Variants in PCDHGB2 observed in about 807,000 individuals in gnomAD.
PCDHGB2 encodes the protein protocadherin gamma-B2.
In PCDHGB2, 55 loss-of-function variants were observed where a neutral mutation model predicts 59.3. The observed-to-expected ratio is 0.93, with a 90% confidence interval of 0.75 to 1.16. PCDHGB2 has a LOEUF of 1.16. Ranked by LOEUF, PCDHGB2 falls within the 50% of genes most tolerant of loss-of-function variation. The pLI is 0.00. For missense variants in PCDHGB2, 1,228 were observed against 1,198.5 expected, an observed-to-expected ratio of 1.02 and a Z score of -0.36; for synonymous variants, 516 against 512.0, an observed-to-expected ratio of 1.01 and a Z score of -0.11.
chr5:141,490,232 A>G lies in PCDHGB2; in HGVS notation c.2422-4575A>G. 6.2e-7 allele frequency: 1 copy of G among 1,614,216 alleles called. No homozygotes were observed. Among genetic ancestry groups the G allele is most frequent in the Non-Finnish European group, 8.5e-7 (1 of 1,180,032 alleles). ...CGTGACCAGGGACAGCCTGCCATGG[A>G]GGGCCACTGTGTGATTCAAGTGGAT... On this transcript the variant is annotated intron_variant, in intron 1 of 3. Transcript: ENST00000522605. This position sits in a 1 kb window ranked among gnomAD's most constrained non-coding sequence, Gnocchi z 5.4.
chr5:141,374,158 G>A (rs1471227184), intron 1 of PCDHGB2: 6 of 1,612,290 alleles, frequency 3.7e-6, no homozygotes, highest in African/African-American at 1.3e-5. Context: ...CGCTGTGGGG[G>A]GCCGCGGCAG....
At chr5:141,507,132 C>T (rs748716107) in intron 3 of PCDHGB2, 2 of 152,188 alleles carry the variant, frequency 1.3e-5, no homozygotes, top group African/African-American at 2.4e-5. Flanking sequence ...GATCCAGCCT[C>T]GGCTTCTCTA....
Position 141,490,748 on chromosome 5 carries a change from C to A in PCDHGB2, c.2422-4059C>A. 3.1e-6 allele frequency: 5 copies of A among 1,614,168 alleles called. No individual in the cohort carries two copies. Among genetic ancestry groups the A allele is most frequent in the Non-Finnish European group, 3.4e-6 (4 of 1,180,006 alleles). ...GGAAATCAGGTTCAGGGAGCCCCAGCCTCCTCCTTTGTGTATGTCAACCCA... is the reference window on the plus strand; with the variant it reads ...GGAAATCAGGTTCAGGGAGCCCCAGACTCCTCCTTTGTGTATGTCAACCCA... On this transcript the variant is annotated intron_variant, in intron 1 of 3. Transcript: ENST00000522605. This position sits in a 1 kb window ranked among gnomAD's most constrained non-coding sequence, Gnocchi z 5.4.
chr5:141,411,568 AG>A (rs2095500132), intron 1 of PCDHGB2: 1 of 152,232 alleles, frequency 6.6e-6, no homozygotes, highest in South Asian at 2.1e-4. Context: ...TGGGCGACAG[AG>A]TGCGACCCTG....
At position 141,379,889 on chromosome 5, in the gene PCDHGB2, CTTTTTTTTTTTTTT is replaced by C. The variant is rs70988800; in HGVS notation, c.2421+17350_2421+17363del. Among the ~76,000 whole-genome samples, 12 of 50,834 alleles carry C rather than the reference CTTTTTTTTTTTTTT, an allele frequency of 2.4e-4. 1 individual carries two copies. In the South Asian group the frequency reaches 3.7e-3, roughly 16 times the overall value. The allele number at this position is 50,834 out of a possible 152,430, so 33.3% of individuals were successfully genotyped here. Reference sequence around the variant, plus strand: ...CTTATTTTATGGTCTGTGAAAGCCTCTTTTTTTTTTTTTTTTTTTTTTTTTTTTTTGTCAGAGTC... The same window carrying C: ...CTTATTTTATGGTCTGTGAAAGCCTCTTTTTTTTTTTTTTTTGTCAGAGTC... On this transcript the variant is annotated intron_variant, in intron 1 of 3. Coordinates refer to ENST00000522605, the MANE Select transcript of PCDHGB2 (RefSeq NM_018923.3).
At chr5:141,479,241 G>T (rs2099490987) in intron 1 of PCDHGB2, 1 of 152,174 alleles carries the variant, frequency 6.6e-6, no homozygotes, top group Admixed American at 6.5e-5. Context: ...CAAACCCAAA[G>T]ATAACCATTT....
chr5:141,399,590 T>G, intron 1 of PCDHGB2: 1 of 1,613,972 alleles, frequency 6.2e-7, no homozygotes, highest in East Asian at 2.2e-5. Context: ...TACTCTATCA[T>G]GGCCAGCGAC....
chr5:141,428,190 T>C (rs1348507135), intron 1 of PCDHGB2: 2 of 1,429,918 alleles, frequency 1.4e-6, no homozygotes, highest in Non-Finnish European at 1.9e-6. Flanking sequence ...CAGCCGCCGC[T>C]CTCTGCGCCG....
chr5:141,433,067 T>C, intron 1 of PCDHGB2: 3 of 1,614,144 alleles, frequency 1.9e-6, no homozygotes, highest in Non-Finnish European at 2.5e-6. Context: ...TCACCTGATC[T>C]TCCCCCAGCC....
At chr5:141,415,479 A>G (rs750765604) in intron 1 of PCDHGB2, 19 of 1,613,988 alleles carry the variant, frequency 1.2e-5, no homozygotes, top group South Asian at 2.2e-5. Flanking sequence ...CGGACTCGCG[A>G]AAGAGTCACC....
In PCDHGB2 at chr5:141,491,250, C is replaced by T. The variant is rs1328621598; in HGVS notation, c.2422-3557C>T. The T allele has an allele frequency of 6.2e-7, 1 of 1,614,148 alleles. No individual in the cohort carries two copies. Among genetic ancestry groups the T allele is most frequent in the South Asian group, 1.1e-5 (1 of 91,092 alleles). ...TGCTGCTGGTTCTGGAGGATGAGGA[C>T]CCTGAGGAAATGCCCAAATCCAGTG... On this transcript the variant is annotated intron_variant, in intron 1 of 3. Transcript: ENST00000522605. The surrounding 1 kb of genome is among the most constrained non-coding windows in gnomAD (Gnocchi z 6.9).
chr5:141,459,315 T>A (rs2154566534), intron 1 of PCDHGB2, among the ~76,000 whole-genome samples: 1 of 152,362 alleles, frequency 6.6e-6, no homozygotes, highest in Non-Finnish European at 1.5e-5. Flanking sequence ...CTATTTTGTA[T>A]CCATCTTCTT....
At position 141,499,027 on chromosome 5, in the gene PCDHGB2, A is replaced by AG. The variant is rs1323149397; in HGVS notation, c.2480+4163dup. 7.4e-3 allele frequency among the ~76,000 whole-genome samples: 1,116 copies of AG among 149,928 alleles called. 12 individuals are homozygous for AG. Among genetic ancestry groups the AG allele is most frequent in the African/African-American group, 0.026 (1,074 of 40,604 alleles). On this transcript the variant is annotated intron_variant, in intron 2 of 3. Transcript: ENST00000522605. ...AAGGAAGGAAGGAAGGAAGGAAGGA[A>AG]GAAAAGAAAGAAAAAGGGAGAAAAA...
intron 1 of PCDHGB2, chr5:141,404,403 A>C (rs767148207): frequency 6.2e-7 from 1 of 1,613,896 alleles, no homozygotes; most frequent in Admixed American, 1.7e-5. Context: ...AGCAATGAGA[A>C]TTCTAGAGTT....
intron 1 of PCDHGB2, chr5:141,404,321 T>C (rs764642673): frequency 1.2e-6 from 2 of 1,613,882 alleles, no homozygotes; most frequent in East Asian, 2.2e-5. Flanking sequence ...TCAAGCCTCC[T>C]ACTCAGTCTA....
In PCDHGB2 at chr5:141,360,786, C is replaced by CGG; in HGVS notation, c.652_653dup (p.Asp219GlufsTer34). On this transcript the variant is annotated frameshift_variant, in exon 1 of 4. Transcript: ENST00000522605. LOFTEE classifies it high-confidence loss of function. ...AATTGGTCCTCACAGCTGTGGATGG[C>CGG]GGAGACCCACCTCAAAGTGGCACGA... is the stretch of plus-strand genomic sequence containing the variant. 1 of 1,612,498 alleles carries CGG rather than the reference C, an allele frequency of 6.2e-7. No homozygotes were observed.
At position 141,493,726 on chromosome 5, in the gene PCDHGB2, G is replaced by C. The variant is rs1032021616; in HGVS notation, c.2422-1081G>C. ...CTGGAATGCTAGGTTTCTGGGTTCT[G>C]CTCATATCACTGCCACCTGTGAGCC... On this transcript the variant is annotated intron_variant, in intron 1 of 3. Coordinates refer to ENST00000522605, the MANE Select transcript of PCDHGB2 (RefSeq NM_018923.3). This position sits in a 1 kb window ranked among gnomAD's most constrained non-coding sequence, Gnocchi z 4.3. Among the ~76,000 whole-genome samples, 2 of 152,154 alleles carry C rather than the reference G, an allele frequency of 1.3e-5. No individual in the cohort carries two copies. Among genetic ancestry groups the C allele is most frequent in the African/African-American group, 4.8e-5 (2 of 41,438 alleles).
At chr5:141,409,700 G>C (rs1561722120) in intron 1 of PCDHGB2, 4 of 1,613,280 alleles carry the variant, frequency 2.5e-6, no homozygotes, top group Non-Finnish European at 3.4e-6. Context: ...AGAGCCCCTG[G>C]CGGTGTCGTC....
At chr5:141,417,740 C>A (rs2096156298) in intron 1 of PCDHGB2, 3 of 1,413,210 alleles carry the variant, frequency 2.1e-6, no homozygotes, top group East Asian at 2.5e-5. Flanking sequence ...CCCAGCACAC[C>A]AGATTGCCAG....
Sources: allele counts gnomAD v4.1 joint callset (sites outside exome capture counted in the v4.1 genomes callset), GRCh38; gene constraint gnomAD v4.1.1; non-coding constraint Gnocchi (gnomAD v3.1); transcripts MANE v1.5; gene names NCBI Gene and HGNC (gene_info 2026-07-23, HGNC 2026-07-21).